The following ASCC3 variants were observed in gnomAD, a reference collection of about 807,000 sequenced individuals.
The protein encoded by ASCC3 is activating signal cointegrator 1 complex subunit 3.
In ASCC3, 158 loss-of-function variants were observed where a neutral mutation model predicts 256.3. The observed-to-expected ratio is 0.62, with a 90% CI of 0.54 to 0.70. The LOEUF (loss-of-function observed/expected upper bound fraction) is 0.70, where lower values mean the gene tolerates loss of function less well. ASCC3 is among the 30% of genes least tolerant of loss of function. The probability of loss-of-function intolerance (pLI) is 0.00; values close to 1 mark genes in which losing one functional copy is unlikely to be tolerated. For synonymous variants in ASCC3, 948 were observed against 883.4 expected (o/e 1.07, Z -1.30); for missense variants, 2,259 against 2,626.0 (o/e 0.86, Z 3.05).
At chr6:100,725,126 A>G (rs1779563951) in intron 11 of ASCC3, among the ~76,000 whole-genome samples, 1 of 152,056 alleles carries the variant, frequency 6.6e-6, no homozygotes, top group Admixed American at 6.6e-5. Context: ...AGGCAAGAGA[A>G]TATGAATAAA....
chr6:100,816,640 A>G (rs899895573), intron 4 of ASCC3, among the ~76,000 whole-genome samples: 1 of 152,154 alleles, frequency 6.6e-6, no homozygotes, highest in East Asian at 1.9e-4. Context: ...TCTTTAGCAA[A>G]CTAGCACACC....
At chr6:100,537,423 G>A (rs867505091) in intron 37 of ASCC3, among the ~76,000 whole-genome samples, 3 of 152,114 alleles carry the variant, frequency 2.0e-5, no homozygotes, top group Non-Finnish European at 4.4e-5. Flanking sequence ...TAAATGAAAC[G>A]TGGGATCTTG....
At chr6:100,633,823 G>A (rs1774685866) in intron 25 of ASCC3, among the ~76,000 whole-genome samples, 1 of 151,020 alleles carries the variant, frequency 6.6e-6, no homozygotes, top group African/African-American at 2.4e-5. Flanking sequence ...GCGGTAAGCC[G>A]AGTTTGCGCC....
intron 8 of ASCC3, among the ~76,000 whole-genome samples, chr6:100,795,639 T>G (rs1201407947): frequency 3.9e-5 from 6 of 152,142 alleles, no homozygotes; most frequent in Non-Finnish European, 5.9e-5. Context: ...CAAAATCCAT[T>G]TAATGACATT....
At chr6:100,872,202 T>C (rs1773776477) in intron 1 of ASCC3, among the ~76,000 whole-genome samples, 1 of 152,198 alleles carries the variant, frequency 6.6e-6, no homozygotes, top group Non-Finnish European at 1.5e-5. Context: ...TACAAATTAA[T>C]GGGGTACTTG....
At chr6:100,589,336 T>A (rs1582510201) in intron 36 of ASCC3, among the ~76,000 whole-genome samples, 2 of 152,164 alleles carry the variant, frequency 1.3e-5, no homozygotes, top group African/African-American at 4.8e-5. Flanking sequence ...GAGGCTATTA[T>A]ATTTAAGGAT....
Position 100,629,148 on chromosome 6 carries a change from A to G in ASCC3, c.4242T>C (p.Asp1414=). Residue 1414 remains aspartate, a synonymous_variant, in exon 27 of 42, where the codon GAT becomes GAC. Coordinates refer to ENST00000369162, the MANE Select transcript of ASCC3 (RefSeq NM_006828.4). ...VIELTGDVTP[D]MKSIAKADLI... ...GGTCAGCCTTGGCAATGGATTTCAT[A>G]TCAGGAGTCACATCCCCTGTTAGTT... The G allele has an allele frequency of 6.2e-7, 1 of 1,613,682 alleles. No individual in the cohort carries two copies. The highest frequency in any genetic ancestry group is 1.1e-5 in the South Asian group (1 of 91,044).
At chr6:100,673,459 T>C (rs906719084) in intron 14 of ASCC3, among the ~76,000 whole-genome samples, 13 of 152,048 alleles carry the variant, frequency 8.5e-5, no homozygotes, top group African/African-American at 2.9e-4. Flanking sequence ...CATGATTCCT[T>C]AACAAGATGT....
intron 4 of ASCC3, among the ~76,000 whole-genome samples, chr6:100,814,868 A>T (rs1293523750): frequency 6.6e-6 from 1 of 150,408 alleles, no homozygotes; most frequent in Non-Finnish European, 1.5e-5. Flanking sequence ...TATTTTATTA[A>T]TTTTTTTTCA....
intron 4 of ASCC3, among the ~76,000 whole-genome samples, chr6:100,808,670 A>C (rs1193020771): frequency 6.6e-6 from 1 of 151,942 alleles, no homozygotes; most frequent in Non-Finnish European, 1.5e-5. Flanking sequence ...ATTTTCATCA[A>C]ACTGCTAACT....
chr6:100,736,757 T>G (rs1780189001), intron 10 of ASCC3, among the ~76,000 whole-genome samples: 2 of 152,114 alleles, frequency 1.3e-5, no homozygotes, highest in South Asian at 2.1e-4. Context: ...TAAGGAAGGG[T>G]GGGATCTTAA....
At chr6:100,568,159 G>C (rs1437194059) in intron 36 of ASCC3, among the ~76,000 whole-genome samples, 1 of 151,954 alleles carries the variant, frequency 6.6e-6, no homozygotes, top group Non-Finnish European at 1.5e-5. Context: ...CCTGAGGTAA[G>C]GAATTTGAGA....
intron 37 of ASCC3, among the ~76,000 whole-genome samples, chr6:100,539,495 T>C (rs1775335549): frequency 6.6e-6 from 1 of 152,200 alleles, no homozygotes; most frequent in Admixed American, 6.5e-5. Context: ...ATGTAAAAAC[T>C]GCAATACTTC....
intron 3 of ASCC3, among the ~76,000 whole-genome samples, chr6:100,850,743 A>G (rs1419881857): frequency 6.6e-6 from 1 of 152,202 alleles, no homozygotes; most frequent in Non-Finnish European, 1.5e-5. Context: ...TTATTCTTTT[A>G]GTATTTAAGA....
At chr6:100,524,240 T>C (rs1389000263) in intron 37 of ASCC3, among the ~76,000 whole-genome samples, 2 of 152,166 alleles carry the variant, frequency 1.3e-5, no homozygotes, top group Admixed American at 1.3e-4. Flanking sequence ...TCTGACCTTG[T>C]TTCCCACACA....
chr6:100,549,038 C>T (rs1204186266), intron 36 of ASCC3, among the ~76,000 whole-genome samples: 1 of 151,796 alleles, frequency 6.6e-6, no homozygotes, highest in African/African-American at 2.4e-5. Flanking sequence ...CTTTCTCTCT[C>T]AAAATACTTT....
At chr6:100,641,852 T>C (rs1194507201) in intron 24 of ASCC3, among the ~76,000 whole-genome samples, 6 of 152,138 alleles carry the variant, frequency 3.9e-5, no homozygotes, top group African/African-American at 1.4e-4. Flanking sequence ...GATGAGTGCA[T>C]GTCCTTTGTA....
intron 10 of ASCC3, among the ~76,000 whole-genome samples, chr6:100,728,383 A>C (rs1779736631): frequency 6.6e-6 from 1 of 152,018 alleles, no homozygotes; most frequent in Admixed American, 6.6e-5. Flanking sequence ...AACTCTCCTA[A>C]AGTAACGGTG....
At chr6:100,828,285 T>A (rs1180755360) in intron 4 of ASCC3, among the ~76,000 whole-genome samples, 1 of 152,178 alleles carries the variant, frequency 6.6e-6, no homozygotes, top group Non-Finnish European at 1.5e-5. Flanking sequence ...ACAAGGTATC[T>A]ATTACAGTAG....
Sources: gnomAD v4.1 joint callset for allele counts (sites outside exome capture counted in the v4.1 genomes callset) on GRCh38, gnomAD v4.1.1 for gene constraint, MANE v1.5 for transcripts, NCBI Gene and HGNC (gene_info 2026-07-23, HGNC 2026-07-21) for gene names.